Variants in BTRC observed in about 807,000 individuals in gnomAD.
BTRC encodes the protein F-box/WD repeat-containing protein 1A.
In BTRC, 42 loss-of-function variants were observed where a neutral mutation model predicts 85.5. The observed-to-expected ratio is 0.49, with a 90% CI of 0.38 to 0.64. The LOEUF (loss-of-function observed/expected upper bound fraction) is 0.64. BTRC is among the 30% of genes least tolerant of loss of function. The pLI, the probability that BTRC is intolerant of heterozygous loss-of-function variation, is 0.00. For missense variants in BTRC, 594 were observed against 743.5 expected, an observed-to-expected ratio of 0.80 and a Z score of 2.34; for synonymous variants, 255 against 263.3, an observed-to-expected ratio of 0.97 and a Z score of 0.30.
chr10:101,398,594 C>T (rs766369845), intron 1 of BTRC, among the ~76,000 whole-genome samples: 13 of 152,104 alleles, frequency 8.5e-5, no homozygotes, highest in Non-Finnish European at 1.3e-4. Flanking sequence ...TGAGCAACTG[C>T]GCCCAGCTGA....
In BTRC at chr10:101,405,338, G is replaced by A. The variant is rs915330406; in HGVS notation, c.49-25007G>A. ...GAGAGGAAGGTTTCCTTACTTCAGA[G>A]TTTTAGCCTTCTTTGGGTCTCTGCT... On this transcript the variant is annotated intron_variant, in intron 1 of 14. Transcript: ENST00000370187. Among the ~76,000 whole-genome samples, 3 of 152,120 alleles carry A rather than the reference G, an allele frequency of 2.0e-5. No individual in the cohort carries two copies. In the East Asian group the frequency reaches 5.8e-4, roughly 29 times the overall value.
At position 101,515,515 on chromosome 10, in the gene BTRC, A is replaced by AT. The variant is rs35221060; in HGVS notation, c.325-6110dup. ...TATAAGTATTACACAAATTTTATCCATTTTTTTTTTTTTTGAGATGGAGTC... is the reference window on the plus strand; with the variant it reads ...TATAAGTATTACACAAATTTTATCCATTTTTTTTTTTTTTTGAGATGGAGTC... On this transcript the variant is annotated intron_variant, in intron 4 of 14. Coordinates refer to ENST00000370187, the MANE Select transcript of BTRC (RefSeq NM_033637.4). Among the ~76,000 whole-genome samples, 771 of 145,710 alleles carry AT rather than the reference A, an allele frequency of 5.3e-3. 7 individuals carry two copies. Among genetic ancestry groups the AT allele is most frequent in the South Asian group, 0.023 (106 of 4,594 alleles).
chr10:101,469,698 C>A (rs1945471650), intron 3 of BTRC, among the ~76,000 whole-genome samples: 1 of 152,196 alleles, frequency 6.6e-6, no homozygotes, highest in Non-Finnish European at 1.5e-5. Flanking sequence ...TGTGTAACCA[C>A]CACCCTAATT....
At chr10:101,496,501 G>A (rs1589551046) in intron 4 of BTRC, among the ~76,000 whole-genome samples, 1 of 152,046 alleles carries the variant, frequency 6.6e-6, no homozygotes, top group African/African-American at 2.4e-5. Flanking sequence ...CTGTAACCTC[G>A]AGCTCCTGGC....
intron 1 of BTRC, among the ~76,000 whole-genome samples, chr10:101,375,339 TCCC>T (rs1254878149): frequency 1.3e-5 from 2 of 152,118 alleles, no homozygotes; most frequent in African/African-American, 4.8e-5. Flanking sequence ...CTTTGCCTTC[TCCC>T]GTGATTTTAA....
At position 101,553,213 on chromosome 10, in the gene BTRC, T is replaced by C. The variant is rs932709755; in HGVS notation, c.*90T>C. 2.6e-5 allele frequency: 4 copies of C among 152,640 alleles called. No individual in the cohort carries two copies. The highest frequency in any genetic ancestry group is 5.9e-5 in the Non-Finnish European group (4 of 68,052). The allele number at this position is 152,640 out of a possible 1,614,324, so 9.5% of individuals were successfully genotyped here. ...CCAATACCAGGATGAGCAACAACAG[T>C]AACAATCAAACTACTGCCCAGTTTC... On this transcript the variant is annotated 3_prime_UTR_variant, in exon 15 of 15. Coordinates refer to ENST00000370187, the MANE Select transcript of BTRC (RefSeq NM_033637.4).
At chr10:101,441,879 CAAAAAAAA>C (rs35543012) in intron 2 of BTRC, among the ~76,000 whole-genome samples, 2 of 85,746 alleles carry the variant, frequency 2.3e-5, no homozygotes, top group Admixed American at 1.6e-4. Context: ...GAGACTGTCT[CAAAAAAAA>C]AAAAAAAAAA....
At chr10:101,431,480 G>A (rs1176958120) in intron 2 of BTRC, among the ~76,000 whole-genome samples, 1 of 152,082 alleles carries the variant, frequency 6.6e-6, no homozygotes, top group Non-Finnish European at 1.5e-5. Flanking sequence ...GAAAGAGTTT[G>A]GTGCTCATTG....
chr10:101,448,837 A>G (rs1376903046), intron 2 of BTRC, among the ~76,000 whole-genome samples: 1 of 151,862 alleles, frequency 6.6e-6, no homozygotes, highest in Non-Finnish European at 1.5e-5. Context: ...CCTATATATT[A>G]CTTTTCTTTA....
chr10:101,479,561 T>C (rs1945783133), intron 4 of BTRC, 104 bp downstream of exon 4: 1 of 872,850 alleles, frequency 1.1e-6, no homozygotes, highest in Non-Finnish European at 1.7e-6. Context: ...CAGGATTATA[T>C]AGTTAAGAAA....
intron 6 of BTRC, among the ~76,000 whole-genome samples, chr10:101,529,171 T>C (rs1323577397): frequency 6.6e-6 from 1 of 152,228 alleles, no homozygotes; most frequent in Non-Finnish European, 1.5e-5. Context: ...AGTCCCTGTT[T>C]TCAAAGATCT....
chr10:101,486,602 T>G (rs1168221901), intron 4 of BTRC, among the ~76,000 whole-genome samples: 1 of 152,024 alleles, frequency 6.6e-6, no homozygotes, highest in Non-Finnish European at 1.5e-5. Flanking sequence ...GTGAATTAGT[T>G]AAATTTCTTT....
At position 101,475,953 on chromosome 10, in the gene BTRC, A is replaced by ATATATATT. The variant is rs1265691229; in HGVS notation, c.235-3414_235-3413insATATATTT. 5.0e-4 allele frequency among the ~76,000 whole-genome samples: 67 copies of ATATATATT among 133,778 alleles called. 1 individual carries two copies. The highest frequency in any genetic ancestry group is 3.8e-3 in the Middle Eastern group (1 of 264). 87.8% of individuals were successfully genotyped at this position (133,778 alleles called of 152,430 possible). ...TATATATATATATATATATATATAT[A>ATATATATT]TTCAGTAATTCCTAAGGGGAAAATA... On this transcript the variant is annotated intron_variant, in intron 3 of 14. Coordinates refer to ENST00000370187, the MANE Select transcript of BTRC (RefSeq NM_033637.4).
At chr10:101,369,091 T>G (rs1329736095) in intron 1 of BTRC, among the ~76,000 whole-genome samples, 1 of 152,148 alleles carries the variant, frequency 6.6e-6, no homozygotes, top group Non-Finnish European at 1.5e-5. Flanking sequence ...TCCCACCGTT[T>G]TAATTTGTGT....
chr10:101,514,180 TG>T (rs1423103231), intron 4 of BTRC, among the ~76,000 whole-genome samples: 15 of 152,214 alleles, frequency 9.9e-5, no homozygotes, highest in African/African-American at 3.6e-4. Context: ...ACAAGTCCTT[TG>T]TGAAATACAT....
At chr10:101,428,658 T>C (rs943925615) in intron 1 of BTRC, among the ~76,000 whole-genome samples, 7 of 152,154 alleles carry the variant, frequency 4.6e-5, no homozygotes, top group Non-Finnish European at 5.9e-5. Context: ...ACTTTGTAAA[T>C]TCATAATCAT....
intron 2 of BTRC, among the ~76,000 whole-genome samples, chr10:101,448,617 T>C (rs971665879): frequency 4.6e-5 from 7 of 152,102 alleles, no homozygotes; most frequent in African/African-American, 1.7e-4. Context: ...ATCTGAGTTA[T>C]ATTTGCTGTT....
intron 1 of BTRC, among the ~76,000 whole-genome samples, chr10:101,421,532 A>G (rs1439076776): frequency 9.9e-5 from 15 of 151,690 alleles, no homozygotes; most frequent in Non-Finnish European, 4.4e-5. Flanking sequence ...TTTGTTACAT[A>G]TGTATACATG....
At chr10:101,551,014 A>C (rs2062641620) in intron 14 of BTRC, 123 bp downstream of exon 14, 1 of 895,620 alleles carries the variant, frequency 1.1e-6, no homozygotes. Context: ...AAGCCGAGGA[A>C]GCAGACAATG....
Sources: allele counts gnomAD v4.1 joint callset (sites outside exome capture counted in the v4.1 genomes callset), GRCh38; gene constraint gnomAD v4.1.1; transcripts MANE v1.5; gene names NCBI Gene and HGNC (gene_info 2026-07-23, HGNC 2026-07-21).